NCKAP5: variants seen among roughly 807,000 people sequenced by gnomAD.
The protein encoded by NCKAP5 is nck-associated protein 5.
In NCKAP5, 92 loss-of-function variants were observed where a neutral mutation model predicts 167.0. The ratio of observed to expected loss-of-function variants is 0.55; its 90% CI spans 0.47 to 0.66. The LOEUF (loss-of-function observed/expected upper bound fraction) is 0.66. Ranked by LOEUF, NCKAP5 falls within the 30% of genes least tolerant of loss-of-function variation. NCKAP5 has a pLI of 0.00. For missense variants in NCKAP5, 2,378 were observed against 2,315.0 expected (o/e 1.03, Z -0.56); for synonymous variants, 891 against 877.4 (o/e 1.02, Z -0.27).
intron 3 of NCKAP5, among the ~76,000 whole-genome samples, chr2:133,326,716 G>C (rs1331285692): frequency 6.6e-6 from 1 of 152,104 alleles, no homozygotes; most frequent in Non-Finnish European, 1.5e-5. Context: ...CTAATGACCT[G>C]TTACAGCTTT....
the NCKAP5 span, among the ~76,000 whole-genome samples, chr2:133,648,225 T>C: frequency 1.1e-3 from 174 of 152,162 alleles, 1 homozygote; most frequent in African/African-American, 3.9e-3. Context: ...TCTATTAGAT[T>C]ATCTCTCTAT....
chr2:132,766,596 A>G (rs1445323000), intron 16 of NCKAP5, among the ~76,000 whole-genome samples: 1 of 152,188 alleles, frequency 6.6e-6, no homozygotes, highest in East Asian at 1.9e-4. Context: ...GACATGTTCT[A>G]TTAGGGCTTT....
intron 19 of NCKAP5, among the ~76,000 whole-genome samples, chr2:132,677,171 C>A (rs966895708): frequency 7.2e-5 from 11 of 152,140 alleles, no homozygotes; most frequent in African/African-American, 2.7e-4. Flanking sequence ...CTACATTTGT[C>A]ACCTATAGGT....
chr2:133,343,872 C>T (rs1683767926), intron 3 of NCKAP5, among the ~76,000 whole-genome samples: 1 of 152,042 alleles, frequency 6.6e-6, no homozygotes, highest in Admixed American at 6.6e-5. Flanking sequence ...GTAAGTGCAC[C>T]CATCCTGGAC....
At chr2:133,086,679 C>T (rs2081003681) in intron 6 of NCKAP5, among the ~76,000 whole-genome samples, 1 of 152,004 alleles carries the variant, frequency 6.6e-6, no homozygotes, top group African/African-American at 2.4e-5. Context: ...GATCCATTAA[C>T]ATTATTTTGC....
chr2:133,492,537 A>G (rs1681563937), intron 3 of NCKAP5, among the ~76,000 whole-genome samples: 1 of 152,166 alleles, frequency 6.6e-6, no homozygotes, highest in South Asian at 2.1e-4. Context: ...ATCTGGAACG[A>G]TCAGAAATAG....
chr2:132,845,052 G>A (rs1001259922), intron 11 of NCKAP5, among the ~76,000 whole-genome samples: 15 of 152,052 alleles, frequency 9.9e-5, no homozygotes, highest in Non-Finnish European at 1.9e-4. Flanking sequence ...TATGCTAACT[G>A]GCTGGTAGTG....
At chr2:133,310,120 G>A (rs1681126878) in intron 3 of NCKAP5, among the ~76,000 whole-genome samples, 1 of 152,126 alleles carries the variant, frequency 6.6e-6, no homozygotes, top group South Asian at 2.1e-4. Context: ...TAATAAAAAG[G>A]TATACCTGCA....
chr2:133,622,431 G>T, the NCKAP5 span, among the ~76,000 whole-genome samples: 1 of 152,096 alleles, frequency 6.6e-6, no homozygotes, highest in South Asian at 2.1e-4. Context: ...AATGAATTCA[G>T]CAAAGTTTCA....
intron 8 of NCKAP5, among the ~76,000 whole-genome samples, chr2:132,934,305 G>C (rs1696675572): frequency 6.6e-6 from 1 of 152,210 alleles, no homozygotes; most frequent in Non-Finnish European, 1.5e-5. Flanking sequence ...AATGTTCCTG[G>C]CTCATGCCTG....
At chr2:133,157,840 TA>T (rs1299443249) in intron 5 of NCKAP5, among the ~76,000 whole-genome samples, 1 of 152,314 alleles carries the variant, frequency 6.6e-6, no homozygotes, top group East Asian at 1.9e-4. Flanking sequence ...ATGTTTTCAT[TA>T]AAAAATCCAT....
chr2:132,948,369 T>C (rs2076055976), intron 8 of NCKAP5, among the ~76,000 whole-genome samples: 1 of 152,058 alleles, frequency 6.6e-6, no homozygotes, highest in Non-Finnish European at 1.5e-5. Flanking sequence ...GGTACCCAAC[T>C]AGTTGCAGAG....
the NCKAP5 span, among the ~76,000 whole-genome samples, chr2:133,634,408 G>C: frequency 6.6e-6 from 1 of 152,108 alleles, no homozygotes; most frequent in African/African-American, 2.4e-5. Flanking sequence ...CAATATGTTA[G>C]TTGTATTGGA....
At chr2:133,222,854 A>T (rs1270389227) in intron 4 of NCKAP5, among the ~76,000 whole-genome samples, 1 of 152,180 alleles carries the variant, frequency 6.6e-6, no homozygotes, top group Non-Finnish European at 1.5e-5. Flanking sequence ...CTATAATCCT[A>T]TTTGTTAGAA....
At chr2:133,482,492 A>G (rs891585020) in intron 3 of NCKAP5, among the ~76,000 whole-genome samples, 2 of 152,214 alleles carry the variant, frequency 1.3e-5, no homozygotes, top group Non-Finnish European at 2.9e-5. Context: ...TCCTAGGATT[A>G]CAGGTATGAG....
At chr2:133,077,769 A>G (rs2080660875) in intron 6 of NCKAP5, among the ~76,000 whole-genome samples, 1 of 152,196 alleles carries the variant, frequency 6.6e-6, no homozygotes, top group South Asian at 2.1e-4. Context: ...GCTACTCTGG[A>G]CAGCTTCTGC....
intron 1 of NCKAP5, among the ~76,000 whole-genome samples, chr2:133,562,278 G>A (rs140524373): frequency 1.2e-4 from 19 of 152,200 alleles, no homozygotes; most frequent in African/African-American, 4.6e-4. Flanking sequence ...ATATGAGCAT[G>A]TTAGAGCTAT....
intron 3 of NCKAP5, among the ~76,000 whole-genome samples, chr2:133,318,322 T>A (rs1210876522): frequency 6.6e-6 from 1 of 152,200 alleles, no homozygotes; most frequent in Non-Finnish European, 1.5e-5. Flanking sequence ...GAGACTGTCG[T>A]TAAATACAAT....
chr2:133,172,885 T>C (rs1190022981), intron 5 of NCKAP5, among the ~76,000 whole-genome samples: 1 of 152,022 alleles, frequency 6.6e-6, no homozygotes, highest in Non-Finnish European at 1.5e-5. Flanking sequence ...TGGGGTTTCA[T>C]CACATTGGTC....
Sources: allele counts gnomAD v4.1 joint callset (sites outside exome capture counted in the v4.1 genomes callset), GRCh38; gene constraint gnomAD v4.1.1; transcripts MANE v1.5; gene names NCBI Gene and HGNC (gene_info 2026-07-23, HGNC 2026-07-21).